GABRB1: variants seen among roughly 807,000 people sequenced by gnomAD.
GABRB1 encodes the protein gamma-aminobutyric acid type A receptor subunit beta1.
Under a neutral mutation model 51.6 loss-of-function variants are expected in GABRB1, and 17 were observed. The ratio of observed to expected loss-of-function variants is 0.33; its 90% CI spans 0.23 to 0.49. The LOEUF (loss-of-function observed/expected upper bound fraction) is 0.49. Among genes scored for constraint, GABRB1 ranks in the 20% least tolerant of loss-of-function variants. The pLI is 0.99. For missense variants in GABRB1, 410 were observed against 600.6 expected (o/e 0.68, Z 3.32); for synonymous variants, 247 against 218.9 (o/e 1.13, Z -1.14).
chr4:47,130,317 T>C (rs926326078), intron 3 of GABRB1, among the ~76,000 whole-genome samples: 2 of 146,314 alleles, frequency 1.4e-5, no homozygotes, highest in African/African-American at 5.2e-5. Context: ...ATGTCTGGGC[T>C]CCAGATACTG....
chr4:47,296,608 G>A (rs1164197997), intron 4 of GABRB1, among the ~76,000 whole-genome samples: 2 of 152,118 alleles, frequency 1.3e-5, no homozygotes, highest in African/African-American at 4.8e-5. Flanking sequence ...GATTCATAAA[G>A]CAAGTCCTTA....
intron 1 of GABRB1, among the ~76,000 whole-genome samples, chr4:47,010,442 G>T (rs4597804): frequency 0.56 from 84,657 of 152,054 alleles, 23,940 homozygotes; most frequent in Non-Finnish European, 0.6. Context: ...GTCAGTTAAT[G>T]GTAGTTAGGT....
At chr4:47,035,128 T>C (rs980096262) in intron 3 of GABRB1, among the ~76,000 whole-genome samples, 1 of 152,172 alleles carries the variant, frequency 6.6e-6, no homozygotes, top group Non-Finnish European at 1.5e-5. Flanking sequence ...AATGACATAA[T>C]TGTGCATTAA....
chr4:47,039,931 A>T (rs1395073615), intron 3 of GABRB1, among the ~76,000 whole-genome samples: 1 of 152,196 alleles, frequency 6.6e-6, no homozygotes, highest in Non-Finnish European at 1.5e-5. Context: ...CTATAAACAT[A>T]TATTTGTTTG....
chr4:47,422,807 T>G (rs765454930), intron 8 of GABRB1, among the ~76,000 whole-genome samples: 1 of 152,144 alleles, frequency 6.6e-6, no homozygotes, highest in African/African-American at 2.4e-5. Flanking sequence ...ACCCTATACA[T>G]GCAACACACA....
Position 47,153,880 on chromosome 4 carries a change from G to C in GABRB1, c.241-7369G>C, listed in dbSNP as rs151000523. On this transcript the variant is annotated intron_variant, in intron 3 of 8. Transcript: ENST00000295454. ...TTATGTTCCCTGAAGCACACACTAG[G>C]CTACAGCTGGGAAAAATCAATAATA... is the stretch of plus-strand genomic sequence containing the variant. Among the ~76,000 whole-genome samples the C allele has an allele frequency of 2.6e-5, 4 of 152,120 alleles. No homozygotes were observed. The East Asian group carries it at 5.8e-4, about 22-fold the overall frequency.
At chr4:47,403,174 T>A in intron 5 of GABRB1, 144 bp from the exon 6 acceptor site, 4 of 761,928 alleles carry the variant, frequency 5.2e-6, no homozygotes. Flanking sequence ...GAAATAGCAC[T>A]CCACATGAGA....
intron 4 of GABRB1, among the ~76,000 whole-genome samples, chr4:47,200,664 A>G (rs1433804396): frequency 3.3e-5 from 5 of 152,176 alleles, no homozygotes; most frequent in Admixed American, 2.6e-4. Flanking sequence ...CTCTTTCTAG[A>G]TACTTAAATC....
intron 4 of GABRB1, among the ~76,000 whole-genome samples, chr4:47,297,766 G>A (rs1380159425): frequency 6.6e-6 from 1 of 152,142 alleles, no homozygotes; most frequent in Non-Finnish European, 1.5e-5. Flanking sequence ...TATGAGGCCA[G>A]CATCATCCTG....
At chr4:47,005,132 C>T (rs956918429) in intron 1 of GABRB1, among the ~76,000 whole-genome samples, 2 of 151,832 alleles carry the variant, frequency 1.3e-5, no homozygotes, top group Non-Finnish European at 2.9e-5. Flanking sequence ...AATGGTTCTC[C>T]GTAGGGCCAG....
intron 3 of GABRB1, among the ~76,000 whole-genome samples, chr4:47,038,226 T>C (rs2109482240): frequency 6.6e-6 from 1 of 152,330 alleles, no homozygotes; most frequent in Admixed American, 6.5e-5. Context: ...GCAAATGATG[T>C]AGCCTCCTGG....
chr4:47,131,926 T>C (rs1263364669), intron 3 of GABRB1, among the ~76,000 whole-genome samples: 1 of 152,208 alleles, frequency 6.6e-6, no homozygotes, highest in Non-Finnish European at 1.5e-5. Context: ...CAGAATTTGA[T>C]ATTAATGTAT....
intron 4 of GABRB1, among the ~76,000 whole-genome samples, chr4:47,226,318 T>C (rs1720942126): frequency 6.6e-6 from 1 of 152,134 alleles, no homozygotes. Context: ...TATCAAGGAA[T>C]GCCTATGAAT....
chr4:47,123,129 C>T (rs977324076), intron 3 of GABRB1, among the ~76,000 whole-genome samples: 1 of 151,598 alleles, frequency 6.6e-6, no homozygotes, highest in African/African-American at 2.4e-5. Flanking sequence ...ACAAACATAA[C>T]TTGAAATTCA....
At chr4:47,377,665 C>T (rs1402944954) in intron 5 of GABRB1, among the ~76,000 whole-genome samples, 1 of 152,110 alleles carries the variant, frequency 6.6e-6, no homozygotes, top group African/African-American at 2.4e-5. Flanking sequence ...TTGGTAGAGC[C>T]TAGTGGTCTG....
At chr4:47,093,930 C>T (rs948838133) in intron 3 of GABRB1, among the ~76,000 whole-genome samples, 2 of 151,946 alleles carry the variant, frequency 1.3e-5, no homozygotes, top group African/African-American at 2.4e-5. Flanking sequence ...CAGCTTTATA[C>T]ATTTGTCACC....
At chr4:47,062,412 C>A (rs1726881814) in intron 3 of GABRB1, among the ~76,000 whole-genome samples, 1 of 147,298 alleles carries the variant, frequency 6.8e-6, no homozygotes. Context: ...GATAATTTGG[C>A]TTATCTACAA....
chr4:47,221,143 T>C (rs1720753565), intron 4 of GABRB1, among the ~76,000 whole-genome samples: 1 of 152,010 alleles, frequency 6.6e-6, no homozygotes, highest in South Asian at 2.1e-4. Flanking sequence ...CATTTCTAAA[T>C]GTAAATAAAT....
At chr4:47,291,631 C>T (rs761335403) in intron 4 of GABRB1, among the ~76,000 whole-genome samples, 4 of 152,098 alleles carry the variant, frequency 2.6e-5, no homozygotes, top group African/African-American at 7.2e-5. Context: ...GAAGAGCCAC[C>T]GAAGACTATG....
Sources: gnomAD v4.1 joint callset for allele counts (sites outside exome capture counted in the v4.1 genomes callset) on GRCh38, gnomAD v4.1.1 for gene constraint, MANE v1.5 for transcripts, NCBI Gene and HGNC (gene_info 2026-07-23, HGNC 2026-07-21) for gene names.